Variants in ACER3 observed in about 807,000 individuals in gnomAD.
ACER3 encodes the protein alkCDase 3.
ACER3 carries 16 observed loss-of-function variants against 48.9 expected under a neutral mutation model. The observed-to-expected ratio is 0.33, with a 90% CI of 0.22 to 0.50. The LOEUF is 0.50. Ranked by LOEUF, ACER3 falls within the 20% of genes least tolerant of loss-of-function variation. The pLI, the probability that ACER3 is intolerant of heterozygous loss-of-function variation, is 0.98. For synonymous variants in ACER3, 109 were observed against 107.8 expected (o/e 1.01, Z -0.07); for missense variants, 227 against 326.0 (o/e 0.70, Z 2.34).
chr11:76,880,417 C>A (rs1945493268), intron 1 of ACER3, among the ~76,000 whole-genome samples: 1 of 152,216 alleles, frequency 6.6e-6, no homozygotes, highest in South Asian at 2.1e-4. Context: ...TTGCAGTGGA[C>A]ACTAGCTGGG....
chr11:76,969,509 G>A (rs1019180887), intron 3 of ACER3, among the ~76,000 whole-genome samples: 5 of 151,884 alleles, frequency 3.3e-5, no homozygotes, highest in East Asian at 3.9e-4. Flanking sequence ...TGTTTATTGT[G>A]GCACTATTCA....
intron 1 of ACER3, among the ~76,000 whole-genome samples, chr11:76,866,845 C>T (rs536006403): frequency 5.3e-5 from 8 of 152,234 alleles, no homozygotes; most frequent in South Asian, 4.1e-4. Flanking sequence ...ACTATCTATA[C>T]GAAGTGGAGT....
chr11:76,935,121 G>A (rs528083986), intron 2 of ACER3, among the ~76,000 whole-genome samples: 24 of 152,264 alleles, frequency 1.6e-4, no homozygotes, highest in African/African-American at 5.5e-4. Flanking sequence ...CAGTGTGCTT[G>A]AGGGAGAGTA....
intron 2 of ACER3, among the ~76,000 whole-genome samples, chr11:76,941,012 A>T (rs525256): frequency 1.4e-5 from 2 of 146,200 alleles, no homozygotes; most frequent in African/African-American, 5.1e-5. Context: ...TGTGTGTATA[A>T]ACACACACAC....
chr11:76,926,911 A>C (rs1946845009), intron 2 of ACER3, among the ~76,000 whole-genome samples: 1 of 152,188 alleles, frequency 6.6e-6, no homozygotes, highest in Non-Finnish European at 1.5e-5. Context: ...AAATATACCC[A>C]CACATCTTAC....
At chr11:77,000,236 A>G (rs1949000627) in intron 7 of ACER3, among the ~76,000 whole-genome samples, 2 of 152,166 alleles carry the variant, frequency 1.3e-5, no homozygotes, top group Non-Finnish European at 2.9e-5. Flanking sequence ...TCTCCCTGGT[A>G]AAATTTCTGC....
chr11:76,904,004 C>T (rs2165404), intron 1 of ACER3, among the ~76,000 whole-genome samples: 90,023 of 151,880 alleles, frequency 0.59, 28,965 homozygotes, highest in Non-Finnish European at 0.74. Flanking sequence ...ATTTTTATTT[C>T]GAGATGAAGT....
chr11:76,889,677 A>G (rs977629438), intron 1 of ACER3, among the ~76,000 whole-genome samples: 2 of 152,208 alleles, frequency 1.3e-5, no homozygotes, highest in African/African-American at 2.4e-5. Context: ...CACAGAATGC[A>G]GCTCATAGTT....
At chr11:76,957,514 G>A in intron 2 of ACER3, 1 of 447,736 alleles carries the variant, frequency 2.2e-6, no homozygotes, top group Non-Finnish European at 4.5e-6. Flanking sequence ...CACAATCTCG[G>A]CTCACTGCAA....
intron 2 of ACER3, among the ~76,000 whole-genome samples, chr11:76,952,682 T>TTTC (rs1468551645): frequency 1.3e-5 from 2 of 150,550 alleles, no homozygotes; most frequent in Non-Finnish European, 3.0e-5. Flanking sequence ...TTTTTTTTTT[T>TTTC]TTTAGACAGA....
intron 1 of ACER3, among the ~76,000 whole-genome samples, chr11:76,899,831 A>G (rs567464733): frequency 8.5e-5 from 13 of 152,284 alleles, no homozygotes; most frequent in East Asian, 5.8e-4. Flanking sequence ...TGAATAACAT[A>G]GGGGTTGGGG....
intron 4 of ACER3, among the ~76,000 whole-genome samples, chr11:76,984,027 A>G (rs113452627): frequency 3.3e-5 from 5 of 152,134 alleles, no homozygotes; most frequent in African/African-American, 1.2e-4. Context: ...TGACCTTGTG[A>G]TCTACCCACC....
At chr11:76,943,375 T>C (rs2134935849) in intron 2 of ACER3, among the ~76,000 whole-genome samples, 1 of 152,142 alleles carries the variant, frequency 6.6e-6, no homozygotes, top group East Asian at 1.9e-4. Flanking sequence ...TTCATTTATT[T>C]CAAAAGATTT....
At chr11:76,887,715 T>G (rs1469100029) in intron 1 of ACER3, among the ~76,000 whole-genome samples, 1 of 152,058 alleles carries the variant, frequency 6.6e-6, no homozygotes, top group African/African-American at 2.4e-5. Flanking sequence ...CCCACACATG[T>G]GCATAAATTG....
chr11:76,928,455 CTTTAA>C (rs1299606034), intron 2 of ACER3, among the ~76,000 whole-genome samples: 8 of 152,150 alleles, frequency 5.3e-5, no homozygotes, highest in African/African-American at 1.9e-4. Flanking sequence ...TGCAGAAGCT[CTTTAA>C]TTTAATTAGA....
At chr11:76,901,621 A>G (rs544393124) in intron 1 of ACER3, among the ~76,000 whole-genome samples, 1 of 152,278 alleles carries the variant, frequency 6.6e-6, no homozygotes, top group Admixed American at 6.5e-5. Context: ...GAGCTCCCCG[A>G]GTGAGCAATT....
Position 77,018,455 on chromosome 11 carries a change from G to A in ACER3, c.705-1276G>A, listed in dbSNP as rs181684088. Among the ~76,000 whole-genome samples the A allele has an allele frequency of 1.4e-3, 210 of 152,308 alleles. 1 individual carries two copies. The highest frequency in any genetic ancestry group is 2.6e-3 in the Non-Finnish European group (180 of 68,018). On this transcript the variant is annotated intron_variant, in intron 9 of 10. Transcript: ENST00000532485. ...AATAACCCTACAGTGGCCTCTAAGT[G>A]TTCAAGTGAAAGGAAGAGTTACACA...
At chr11:76,890,765 GCTAA>G (rs1308431163) in intron 1 of ACER3, among the ~76,000 whole-genome samples, 1 of 152,094 alleles carries the variant, frequency 6.6e-6, no homozygotes, top group Non-Finnish European at 1.5e-5. Flanking sequence ...TATGTTATAT[GCTAA>G]CTAAGGTATA....
chr11:77,015,867 G>A (rs1949355727), intron 8 of ACER3, among the ~76,000 whole-genome samples: 2 of 152,114 alleles, frequency 1.3e-5, no homozygotes, highest in South Asian at 4.1e-4. Context: ...TAGCACTCTG[G>A]GAGGCCGAGG....
Sources: allele counts gnomAD v4.1 joint callset (sites outside exome capture counted in the v4.1 genomes callset), GRCh38; gene constraint gnomAD v4.1.1; transcripts MANE v1.5; gene names NCBI Gene and HGNC (gene_info 2026-07-23, HGNC 2026-07-21).